FHIT: variants seen among roughly 807,000 people sequenced by gnomAD.
The protein encoded by FHIT is fragile histidine triad diadenosine triphosphatase.
A neutral mutation model predicts 17.9 loss-of-function variants in FHIT; 19 were observed. The observed-to-expected ratio is 1.06, with a 90% CI of 0.74 to 1.56. The LOEUF is 1.56. FHIT is among the 40% of genes most tolerant of loss of function. The pLI is 0.00. For missense variants in FHIT, 248 were observed against 189.2 expected (o/e 1.31, Z -1.82); for synonymous variants, 81 against 69.7 (o/e 1.16, Z -0.81).
intron 5 of FHIT, among the ~76,000 whole-genome samples, chr3:60,172,805 T>C (rs745744464): frequency 1.7e-4 from 26 of 152,128 alleles, no homozygotes; most frequent in Admixed American, 3.3e-4. Flanking sequence ...GAAAGAGGTC[T>C]TCTGTCTACT....
At chr3:60,590,411 C>A (rs150472728) in intron 4 of FHIT, among the ~76,000 whole-genome samples, 1 of 152,170 alleles carries the variant, frequency 6.6e-6, no homozygotes, top group Non-Finnish European at 1.5e-5. Context: ...GAATAACAGA[C>A]AACATGCTGT....
intron 1 of FHIT, among the ~76,000 whole-genome samples, chr3:61,207,887 G>A (rs894454940): frequency 1.3e-5 from 2 of 152,130 alleles, no homozygotes; most frequent in Non-Finnish European, 2.9e-5. Context: ...TGCTTCTCTA[G>A]TTCTTTTAAT....
chr3:60,498,603 T>C (rs1311995100), intron 5 of FHIT, among the ~76,000 whole-genome samples: 2 of 152,206 alleles, frequency 1.3e-5, no homozygotes, highest in East Asian at 1.9e-4. Flanking sequence ...AACCTAATGA[T>C]ATCATGGTGT....
chr3:60,880,309 G>T (rs542477401), intron 3 of FHIT, among the ~76,000 whole-genome samples: 8 of 152,116 alleles, frequency 5.3e-5, no homozygotes, highest in African/African-American at 1.4e-4. Flanking sequence ...GAAATAAAAC[G>T]TTTCTCAGAG....
At chr3:60,913,163 A>C (rs2107279928) in intron 3 of FHIT, among the ~76,000 whole-genome samples, 1 of 152,362 alleles carries the variant, frequency 6.6e-6, no homozygotes, top group South Asian at 2.1e-4. Flanking sequence ...CTAGACTTGA[A>C]GAAAACACGA....
chr3:60,077,281 A>C (rs1394997054), intron 5 of FHIT: 1 of 152,080 alleles, frequency 6.6e-6, no homozygotes, highest in South Asian at 2.1e-4. Flanking sequence ...GTGTATAAGT[A>C]CACATGCATA....
At chr3:60,300,320 A>T (rs961955663) in intron 5 of FHIT, among the ~76,000 whole-genome samples, 1 of 152,018 alleles carries the variant, frequency 6.6e-6, no homozygotes, top group Admixed American at 6.6e-5. Flanking sequence ...AAGAAGAGAA[A>T]TTAAGACCAA....
At chr3:61,206,376 G>A (rs952193051) in intron 1 of FHIT, among the ~76,000 whole-genome samples, 2 of 145,400 alleles carry the variant, frequency 1.4e-5, no homozygotes, top group Admixed American at 7.1e-5. Flanking sequence ...TAGCTTCATG[G>A]GGATGGCATT....
intron 7 of FHIT, among the ~76,000 whole-genome samples, chr3:60,001,992 C>T (rs1364321318): frequency 6.6e-6 from 1 of 151,992 alleles, no homozygotes; most frequent in East Asian, 1.9e-4. Context: ...TATATGGACC[C>T]CAGAGTGGGA....
intron 7 of FHIT, among the ~76,000 whole-genome samples, chr3:59,997,497 G>A (rs1383190916): frequency 6.6e-6 from 1 of 152,160 alleles, no homozygotes; most frequent in Non-Finnish European, 1.5e-5. Flanking sequence ...GTTGCTGGAG[G>A]AATTTGAAAT....
chr3:59,964,078 C>T (rs753855454), intron 7 of FHIT, among the ~76,000 whole-genome samples: 9 of 152,104 alleles, frequency 5.9e-5, no homozygotes, highest in Non-Finnish European at 1.2e-4. Flanking sequence ...CATGGAATGA[C>T]GTTTTAAATA....
chr3:60,622,165 G>A (rs782331659), intron 4 of FHIT, among the ~76,000 whole-genome samples: 18 of 152,096 alleles, frequency 1.2e-4, no homozygotes, highest in Admixed American at 6.6e-4. Context: ...ATGTCTCACG[G>A]TGCCCCTAAA....
chr3:61,229,280 G>C (rs769981492), intron 1 of FHIT, among the ~76,000 whole-genome samples: 4 of 152,154 alleles, frequency 2.6e-5, no homozygotes, highest in Non-Finnish European at 5.9e-5. Flanking sequence ...AGATATAGAA[G>C]AGAAGGCCAA....
At chr3:60,954,412 T>C (rs1330157678) in intron 3 of FHIT, among the ~76,000 whole-genome samples, 5 of 152,200 alleles carry the variant, frequency 3.3e-5, no homozygotes, top group Non-Finnish European at 5.9e-5. Context: ...TTAAAAATAA[T>C]GTTTAATAGG....
intron 5 of FHIT, among the ~76,000 whole-genome samples, chr3:60,478,942 T>G (rs1453043826): frequency 6.6e-6 from 1 of 152,152 alleles, no homozygotes; most frequent in Non-Finnish European, 1.5e-5. Context: ...CTCTGGGAAT[T>G]ACAGATGGGA....
chr3:60,582,767 C>T (rs1474028589), intron 4 of FHIT, among the ~76,000 whole-genome samples: 3 of 152,006 alleles, frequency 2.0e-5, no homozygotes, highest in African/African-American at 7.2e-5. Flanking sequence ...AACATAACAA[C>T]AACAAATAGA....
intron 5 of FHIT, among the ~76,000 whole-genome samples, chr3:60,193,196 G>A (rs920448610): frequency 6.6e-6 from 1 of 152,178 alleles, no homozygotes; most frequent in East Asian, 1.9e-4. Context: ...CTGTAATCGT[G>A]CCCAAGCCTA....
At chr3:61,141,165 TTCAAGCCGAC>T (rs969088301) in intron 2 of FHIT, among the ~76,000 whole-genome samples, 7 of 152,104 alleles carry the variant, frequency 4.6e-5, no homozygotes, top group African/African-American at 1.4e-4. Context: ...GGTGATTTCT[TTCAAGCCGAC>T]TCTCGGGGGT....
chr3:60,629,883 A>C (rs782442589), intron 4 of FHIT, among the ~76,000 whole-genome samples: 4 of 152,142 alleles, frequency 2.6e-5, no homozygotes, highest in Non-Finnish European at 4.4e-5. Context: ...AAACTATTTT[A>C]TTCACTCTAG....
Sources: allele counts gnomAD v4.1 joint callset (sites outside exome capture counted in the v4.1 genomes callset), GRCh38; gene constraint gnomAD v4.1.1; transcripts MANE v1.5; gene names NCBI Gene and HGNC (gene_info 2026-07-23, HGNC 2026-07-21).